Variants in HMCES observed in about 807,000 individuals in gnomAD.
HMCES encodes 5-hydroxymethylcytosine binding, ES cell specific, also known as abasic site processing protein HMCES.
In HMCES, 27 loss-of-function variants were observed where a neutral mutation model predicts 35.1. That is an observed-to-expected ratio of 0.77 (90% CI 0.57 to 1.06). The LOEUF (loss-of-function observed/expected upper bound fraction) is 1.06. Among genes scored for constraint, HMCES ranks in the 50% least tolerant of loss-of-function variants. The probability of loss-of-function intolerance (pLI) is 0.00; values close to 1 mark genes in which losing one functional copy is unlikely to be tolerated. For missense variants in HMCES, 391 were observed against 430.4 expected, an observed-to-expected ratio of 0.91 and a Z score of 0.81; for synonymous variants, 130 against 154.7, an observed-to-expected ratio of 0.84 and a Z score of 1.18.
rs774489568 is a variant in HMCES at position 129,298,461 on chromosome 3, G to A, written c.561G>A (p.Glu187=). 6.2e-7 allele frequency: 1 copy of A among 1,614,178 alleles called. No homozygotes were observed. Among genetic ancestry groups the A allele is most frequent in the South Asian group, 1.1e-5 (1 of 91,088 alleles). ...AGIFDCWEPP[E]GGDVLYSYTI... The stretch of plus-strand genomic sequence containing the variant: ...TCTTTGACTGCTGGGAGCCCCCAGA[G>A]GGAGGAGATGTCCTGTATTCCTATA... Residue 187 remains glutamate, a synonymous_variant, in exon 5 of 7, where the codon GAG becomes GAA. Transcript: ENST00000383463.
At chr3:129,287,426 T>C (rs556905287) in intron 2 of HMCES, among the ~76,000 whole-genome samples, 5 of 151,790 alleles carry the variant, frequency 3.3e-5, no homozygotes, top group African/African-American at 1.2e-4. Context: ...GAGTTTGCCA[T>C]GTTGCCCAGG....
At chr3:129,299,205 C>A (rs1050586505) in intron 5 of HMCES, among the ~76,000 whole-genome samples, 27 of 152,198 alleles carry the variant, frequency 1.8e-4, no homozygotes, top group African/African-American at 6.5e-4. Flanking sequence ...CTCGACAAGA[C>A]CTGAAGTTTG....
rs569707416 is a variant in HMCES at position 129,293,535 on chromosome 3, G to A, written c.453+2731G>A. Among the ~76,000 whole-genome samples the A allele has an allele frequency of 4.3e-5, 6 of 140,122 alleles. No homozygotes were observed. The East Asian group carries it at 1.3e-3, about 30-fold the overall frequency. 91.9% of individuals were successfully genotyped at this position (140,122 alleles called of 152,430 possible). ...CAGTTACTCTTTCTAGGAACTTAAT[G>A]TGTATTAGCTTAATATACATTAATT... is the stretch of plus-strand genomic sequence containing the variant. On this transcript the variant is annotated intron_variant, in intron 4 of 6. Transcript: ENST00000383463.
In HMCES at chr3:129,290,739, C is replaced by A. The variant is rs368536337; in HGVS notation, c.388C>A (p.Arg130=). 6 of 1,612,824 alleles carry A rather than the reference C, an allele frequency of 3.7e-6. No individual in the cohort carries two copies. The highest frequency in any genetic ancestry group is 5.1e-6 in the Non-Finnish European group (6 of 1,179,118). Reference sequence around the variant, plus strand: ...AGCAGATGGATTCTATGAGTGGCAGCGATGTCAGGGAACAAACCAGAGGCA... The same window carrying A: ...AGCAGATGGATTCTATGAGTGGCAGAGATGTCAGGGAACAAACCAGAGGCA... ...VLADGFYEWQ[R]CQGTNQRQPY... Residue 130 remains arginine, a synonymous_variant, in exon 4 of 7, where the codon CGA becomes AGA. Coordinates refer to ENST00000383463, the MANE Select transcript of HMCES (RefSeq NM_020187.3).
intron 2 of HMCES, among the ~76,000 whole-genome samples, chr3:129,286,811 C>G (rs1356047200): frequency 1.3e-5 from 2 of 152,110 alleles, no homozygotes; most frequent in Non-Finnish European, 2.9e-5. Context: ...AAAATGCACT[C>G]TCTGCTCACT....
intron 4 of HMCES, among the ~76,000 whole-genome samples, chr3:129,295,321 C>T (rs1156251198): frequency 6.6e-6 from 1 of 151,784 alleles, no homozygotes; most frequent in Non-Finnish European, 1.5e-5. Flanking sequence ...CCTGTGGTCC[C>T]AGCTACTTGG....
chr3:129,298,434 G>T lies in HMCES; in HGVS notation c.534G>T (p.Gly178=). 1 of 1,614,180 alleles carries T rather than the reference G, an allele frequency of 6.2e-7. No individual in the cohort carries two copies. ...WDNWRLLTMA[G]IFDCWEPPEG... ...ACTGGAGGCTGCTGACAATGGCCGG[G>T]ATCTTTGACTGCTGGGAGCCCCCAG... Residue 178 remains glycine (G), a synonymous_variant, in exon 5 of 7, where the codon GGG becomes GGT. Coordinates refer to ENST00000383463, the MANE Select transcript of HMCES (RefSeq NM_020187.3).
intron 2 of HMCES, among the ~76,000 whole-genome samples, chr3:129,284,167 T>C (rs1940569754): frequency 6.6e-6 from 1 of 152,256 alleles, no homozygotes; most frequent in East Asian, 1.9e-4. Context: ...GAGGCAGAGC[T>C]CTGCCTTCTT....
At chr3:129,297,215 T>C (rs115241618) in intron 4 of HMCES, among the ~76,000 whole-genome samples, 2,668 of 152,118 alleles carry the variant, frequency 0.018, 76 homozygotes, top group African/African-American at 0.061. Context: ...CTTCCAGAAG[T>C]AGACTGCTTC....
chr3:129,294,885 C>T (rs1453047724), intron 4 of HMCES, among the ~76,000 whole-genome samples: 4 of 152,090 alleles, frequency 2.6e-5, no homozygotes, highest in Non-Finnish European at 5.9e-5. Context: ...GGGCCGGGCA[C>T]AGTGGCTCAT....
In HMCES at chr3:129,301,940, C is replaced by T. The variant is rs569388062; in HGVS notation, c.636-10C>T. ...CCTCTCCCAACCATTGTCTTAACTT[C>T]CCTGGCCAGGATGCCTGCCATATTA... On this transcript the variant is annotated splice_polypyrimidine_tract_variant and intron_variant, in intron 5 of 6. Coordinates refer to ENST00000383463, the MANE Select transcript of HMCES (RefSeq NM_020187.3). 7.5e-6 allele frequency: 12 copies of T among 1,608,102 alleles called. No homozygotes were observed. Among genetic ancestry groups the T allele is most frequent in the East Asian group, 2.2e-5 (1 of 44,860 alleles).
At chr3:129,282,265 C>T (rs1940513230) in intron 2 of HMCES, among the ~76,000 whole-genome samples, 1 of 141,364 alleles carries the variant, frequency 7.1e-6, no homozygotes, top group Non-Finnish European at 1.5e-5. Flanking sequence ...TTCAGGACAC[C>T]AGCCTGAGCA....
intron 4 of HMCES, among the ~76,000 whole-genome samples, chr3:129,294,712 A>G (rs1466350650): frequency 1.3e-5 from 2 of 152,190 alleles, no homozygotes; most frequent in African/African-American, 2.4e-5. Flanking sequence ...AGCCATTTCC[A>G]TGGATCTTCA....
At chr3:129,280,299 A>C (rs1940436267) in intron 2 of HMCES, among the ~76,000 whole-genome samples, 1 of 152,144 alleles carries the variant, frequency 6.6e-6, no homozygotes, top group Admixed American at 6.6e-5. Flanking sequence ...TAACCCCAGC[A>C]CTTTGGGAAG....
chr3:129,280,703 G>A (rs1352160379), intron 2 of HMCES, among the ~76,000 whole-genome samples: 3 of 152,088 alleles, frequency 2.0e-5, no homozygotes, highest in Admixed American at 6.5e-5. Context: ...CTAGAAACAC[G>A]TATTTGGTTT....
rs774723987 is a variant in HMCES, at chr3:129,290,769, T to C, written c.418T>C (p.Tyr140His). 2.5e-6 allele frequency: 4 copies of C among 1,613,400 alleles called. No homozygotes were observed. Among genetic ancestry groups the C allele is most frequent in the Non-Finnish European group, 3.4e-6 (4 of 1,179,400 alleles). Residue 140 changes from tyrosine to histidine, a missense_variant, in exon 4 of 7, where the codon TAC (tyrosine) becomes CAC (histidine). Transcript: ENST00000383463. Reference sequence around the variant, plus strand: ...TCAGGGAACAAACCAGAGGCAGCCATACTTCATCTATTTTCCTCAAATCAA... The same window carrying C: ...TCAGGGAACAAACCAGAGGCAGCCACACTTCATCTATTTTCCTCAAATCAA... ...RCQGTNQRQP[Y>H]FIYFPQIKTE...
intron 4 of HMCES, among the ~76,000 whole-genome samples, chr3:129,292,932 G>A (rs993144101): frequency 6.6e-6 from 1 of 152,148 alleles, no homozygotes; most frequent in Non-Finnish European, 1.5e-5. Flanking sequence ...GGAAGGAAAG[G>A]GGAGGCCTGG....
At chr3:129,285,494 C>T (rs924044129) in intron 2 of HMCES, among the ~76,000 whole-genome samples, 5 of 151,954 alleles carry the variant, frequency 3.3e-5, no homozygotes, top group Non-Finnish European at 7.4e-5. Context: ...CTCTGTTGCC[C>T]AGGCTGCAGT....
chr3:129,279,448 G>A lies in HMCES; in HGVS notation c.-23-262G>A, dbSNP rs909321127. Among the ~76,000 whole-genome samples the A allele has an allele frequency of 6.6e-6, 1 of 152,218 alleles. No homozygotes were observed. The highest frequency in any genetic ancestry group is 2.4e-5 in the African/African-American group (1 of 41,460). ...TGGACTGTGAAGCCCCCTCCGCTGC[G>A]GCTCTTCCTGCGCTCAGGCAGGCAT... On this transcript the variant is annotated intron_variant, in intron 1 of 6. Transcript: ENST00000383463. The surrounding 1 kb of genome is among the most constrained non-coding windows in gnomAD (Gnocchi z 4.2).
Sources: allele counts gnomAD v4.1 joint callset (sites outside exome capture counted in the v4.1 genomes callset), GRCh38; gene constraint gnomAD v4.1.1; non-coding constraint Gnocchi (gnomAD v3.1); transcripts MANE v1.5; gene names NCBI Gene and HGNC (gene_info 2026-07-23, HGNC 2026-07-21).